LARP4: variants seen among roughly 807,000 people sequenced by gnomAD.
LARP4 encodes the protein la-related protein 4.
Under a neutral mutation model 92.9 loss-of-function variants are expected in LARP4, and 29 were observed. That is an observed-to-expected ratio of 0.31 (90% CI 0.23 to 0.43). The LOEUF (loss-of-function observed/expected upper bound fraction) is 0.43, where lower values mean the gene tolerates loss of function less well. LARP4 is among the 20% of genes least tolerant of loss of function. The probability of loss-of-function intolerance (pLI) is 1.00; values close to 1 mark genes in which losing one functional copy is unlikely to be tolerated. For missense variants in LARP4, 732 were observed against 860.0 expected, an observed-to-expected ratio of 0.85 and a Z score of 1.86; for synonymous variants, 279 against 284.1, an observed-to-expected ratio of 0.98 and a Z score of 0.18.
chr12:50,402,193 G>GT (rs1943979770), intron 1 of LARP4, among the ~76,000 whole-genome samples: 1 of 148,056 alleles, frequency 6.8e-6, no homozygotes, highest in Non-Finnish European at 1.5e-5. Context: ...ATGATTTTAC[G>GT]GTTTTTTTTT....
rs1005279663 is a variant in LARP4, at chr12:50,477,605, AAC to A, written c.*1744_*1745del. 1.0e-4 allele frequency: 16 copies of A among 152,542 alleles called. No homozygotes were observed. Among genetic ancestry groups the A allele is most frequent in the African/African-American group, 3.9e-4 (16 of 41,448 alleles). 9.4% of individuals were successfully genotyped at this position (152,542 alleles called of 1,614,324 possible). On this transcript the variant is annotated 3_prime_UTR_variant, in exon 16 of 16. Transcript: ENST00000398473. ...GTGGTTAACTGTTAAGAGCTTTGAAAACACTGCACATATCTGTACAAGCCAGA... is the reference window on the plus strand; with the variant it reads ...GTGGTTAACTGTTAAGAGCTTTGAAAACTGCACATATCTGTACAAGCCAGA...
At chr12:50,420,643 A>G (rs1947588791) in intron 1 of LARP4, 1 of 152,240 alleles carries the variant, frequency 6.6e-6, no homozygotes, top group Admixed American at 6.5e-5. Context: ...ACCAGAAAGT[A>G]CAGGAATGTC....
intron 13 of LARP4, among the ~76,000 whole-genome samples, chr12:50,471,132 TAATAATTTAAAAATAATA>T (rs1173048587): frequency 2.0e-5 from 3 of 152,080 alleles, no homozygotes; most frequent in African/African-American, 7.2e-5. Context: ...TCTAAAAAAA[TAATAATTTAAAAATAATA>T]ATTATAATTT....
intron 8 of LARP4, among the ~76,000 whole-genome samples, chr12:50,448,601 G>C (rs1952607519): frequency 6.6e-6 from 1 of 152,038 alleles, no homozygotes; most frequent in South Asian, 2.1e-4. Flanking sequence ...TTGGCTCACT[G>C]CAACCTCTGC....
rs1950654506 is a variant in LARP4 at position 50,437,811 on chromosome 12, A to C, written c.612A>C (p.Arg204Ser). 1 of 1,604,280 alleles carries C rather than the reference A, an allele frequency of 6.2e-7. No individual in the cohort carries two copies. ...ATAAGCGTTGTATTGTAATTCTTAG[A>C]GAGATTCCTGAAACAACACCAATAG... ...PSHKRCIVIL[R>S]EIPETTPIEE... Residue 204 changes from arginine (R) to serine (S), a missense_variant, in exon 6 of 16, where the codon AGA becomes AGC. Arg to Ser is a moderately radical substitution (Grantham distance 110). Coordinates refer to ENST00000398473, the MANE Select transcript of LARP4 (RefSeq NM_052879.5).
chr12:50,443,992 T>C (rs933818072), intron 8 of LARP4, among the ~76,000 whole-genome samples: 4 of 152,188 alleles, frequency 2.6e-5, no homozygotes, highest in Admixed American at 2.6e-4. Context: ...ACCCTATTTT[T>C]CAGGATTGTG....
Position 50,400,939 on chromosome 12 carries a change from C to G in LARP4, c.-72C>G. 6.2e-7 allele frequency: 1 copy of G among 1,605,358 alleles called. No homozygotes were observed. The highest frequency in any genetic ancestry group is 8.5e-7 in the Non-Finnish European group (1 of 1,171,988). On this transcript the variant is annotated 5_prime_UTR_variant, in exon 1 of 16. Transcript: ENST00000398473. ...AGGCGAGTGTGTGTCCTTATCCTAG[C>G]AATTGGGGCGCGGGCCTGTGAGCCA...
intron 8 of LARP4, among the ~76,000 whole-genome samples, chr12:50,442,413 C>A (rs1951354678): frequency 6.6e-6 from 1 of 152,152 alleles, no homozygotes; most frequent in Admixed American, 6.6e-5. Context: ...AAAATGCTTT[C>A]CAAAAATCTC....
intron 15 of LARP4, among the ~76,000 whole-genome samples, 199 bp downstream of exon 15, chr12:50,474,366 A>T (rs1478597626): frequency 2.6e-5 from 4 of 152,008 alleles, no homozygotes; most frequent in African/African-American, 9.7e-5. Context: ...TTTGTTTTGG[A>T]GACTGAGTCT....
Position 50,473,516 on chromosome 12 carries a change from T to C in LARP4, c.1647T>C (p.Ala549=). 4.3e-6 allele frequency: 7 copies of C among 1,613,610 alleles called. No homozygotes were observed. The highest frequency in any genetic ancestry group is 5.9e-6 in the Non-Finnish European group (7 of 1,179,700). ...QLNMSTSSPC[A]AELTALSTTQ... ...ATATGAGTACCAGTTCTCCATGTGC[T>C]GCTGAGCTTACTGCATTAAGGTACA... is the stretch of plus-strand genomic sequence containing the variant. The change falls in exon 14 of 16, where the codon GCT becomes GCC. Residue 549 remains alanine, a synonymous_variant. Transcript: ENST00000398473.
intron 12 of LARP4, among the ~76,000 whole-genome samples, chr12:50,463,756 A>G (rs181753070): frequency 4.6e-5 from 7 of 152,178 alleles, no homozygotes; most frequent in Admixed American, 2.0e-4. Flanking sequence ...TGGCTTTTCT[A>G]TGCCTGTTCT....
intron 7 of LARP4, 81 bp from the exon 8 acceptor site, chr12:50,441,509 A>G (rs1484132495): frequency 1.9e-6 from 2 of 1,056,086 alleles, no homozygotes; most frequent in Non-Finnish European, 2.8e-6. Context: ...ATAGTTTAAT[A>G]CTAAACTCTC....
chr12:50,410,910 C>G (rs1432603329), intron 1 of LARP4, among the ~76,000 whole-genome samples: 1 of 152,064 alleles, frequency 6.6e-6, no homozygotes, highest in Non-Finnish European at 1.5e-5. Flanking sequence ...TAAATCCTGT[C>G]TTTTCCACTG....
intron 10 of LARP4, among the ~76,000 whole-genome samples, chr12:50,456,208 G>A (rs1190950819): frequency 1.3e-5 from 2 of 152,122 alleles, no homozygotes; most frequent in African/African-American, 2.4e-5. Context: ...TGACAGCCAG[G>A]AATGACAGTC....
intron 1 of LARP4, among the ~76,000 whole-genome samples, chr12:50,409,528 A>G (rs1021997596): frequency 2.6e-5 from 4 of 152,138 alleles, no homozygotes; most frequent in Admixed American, 2.0e-4. Flanking sequence ...TGGGAGGCCA[A>G]GGCTGGTGGA....
chr12:50,402,292 ACATT>A (rs780234932), intron 1 of LARP4, among the ~76,000 whole-genome samples: 3 of 152,214 alleles, frequency 2.0e-5, no homozygotes, highest in Non-Finnish European at 4.4e-5. Context: ...AGTGTATCTA[ACATT>A]CATAATAAAC....
intron 1 of LARP4, among the ~76,000 whole-genome samples, chr12:50,406,388 G>A (rs1592714831): frequency 6.6e-6 from 1 of 151,578 alleles, no homozygotes; most frequent in East Asian, 1.9e-4. Context: ...CACTTGAGGT[G>A]GGAGGATCAC....
At chr12:50,433,990 A>C (rs1301728975) in intron 4 of LARP4, among the ~76,000 whole-genome samples, 1 of 152,192 alleles carries the variant, frequency 6.6e-6, no homozygotes, top group Non-Finnish European at 1.5e-5. Context: ...GCTCCTTGCC[A>C]GGCACTAGGC....
At chr12:50,412,825 C>G (rs1250019860) in intron 1 of LARP4, among the ~76,000 whole-genome samples, 3 of 152,148 alleles carry the variant, frequency 2.0e-5, no homozygotes, top group Admixed American at 6.6e-5. Context: ...GGACAGTTTA[C>G]ATCGTTTAGT....
Sources: allele counts gnomAD v4.1 joint callset (sites outside exome capture counted in the v4.1 genomes callset), GRCh38; gene constraint gnomAD v4.1.1; transcripts MANE v1.5; gene names NCBI Gene and HGNC (gene_info 2026-07-23, HGNC 2026-07-21).